The following EFR3B variants were observed in gnomAD, a reference collection of about 807,000 sequenced individuals.
The protein encoded by EFR3B is EFR3 homolog B, also known as protein EFR3 homolog B.
A neutral mutation model predicts 104.7 loss-of-function variants in EFR3B; 64 were observed. The observed-to-expected ratio is 0.61, with a 90% confidence interval of 0.50 to 0.75. The LOEUF (loss-of-function observed/expected upper bound fraction) is 0.75. Among genes scored for constraint, EFR3B ranks in the 30% least tolerant of loss-of-function variants. The pLI is 0.00. For synonymous variants in EFR3B, 385 were observed against 417.9 expected (o/e 0.92, Z 0.96); for missense variants, 750 against 1,078.5 (o/e 0.70, Z 4.27).
intron 4 of EFR3B, among the ~76,000 whole-genome samples, chr2:25,120,441 C>T (rs1371419138): frequency 6.6e-6 from 1 of 151,926 alleles, no homozygotes; most frequent in South Asian, 2.1e-4. Context: ...GTCAAGAGAT[C>T]GAGACCATCC....
rs5829961 is a variant in EFR3B at position 25,124,277 on chromosome 2, AGTGTGTGTGTGTGTGTGTGTGT to A, written c.485+2517_485+2538del. Among the ~76,000 whole-genome samples the A allele has an allele frequency of 8.3e-3, 1,032 of 124,894 alleles. 17 individuals are homozygous for A. The highest frequency in any genetic ancestry group is 0.027 in the African/African-American group (908 of 33,706). The allele number at this position is 124,894 out of a possible 152,430, so 81.9% of individuals were successfully genotyped here. A position where few individuals can be genotyped will look rare whatever the true frequency, so the allele number is the denominator to read the frequency against. ...GTCCAGCAGTGGGCCTGTGCATGCA[AGTGTGTGTGTGTGTGTGTGTGT>A]GTGTGTGTGTGTGTGTGTGTGTGTG... On this transcript the variant is annotated intron_variant, in intron 5 of 22. Coordinates refer to ENST00000403714, the MANE Select transcript of EFR3B (RefSeq NM_014971.2).
chr2:25,061,784 C>T (rs966962054), intron 1 of EFR3B, among the ~76,000 whole-genome samples: 1 of 151,976 alleles, frequency 6.6e-6, no homozygotes, highest in African/African-American at 2.4e-5. Flanking sequence ...GCGTGAGCCA[C>T]CCTGCCTGGC....
intron 1 of EFR3B, among the ~76,000 whole-genome samples, chr2:25,066,666 C>T (rs1558587607): frequency 6.6e-6 from 1 of 152,230 alleles, no homozygotes; most frequent in Non-Finnish European, 1.5e-5. Flanking sequence ...TGCTTCCTTT[C>T]ATTATGGCTG....
At chr2:25,044,986 A>C (rs972822439) in intron 1 of EFR3B, among the ~76,000 whole-genome samples, 1 of 152,176 alleles carries the variant, frequency 6.6e-6, no homozygotes, top group African/African-American at 2.4e-5. Context: ...ACCTCAGGCA[A>C]GTGGAATTGT....
chr2:25,093,889 T>C (rs1196815076), intron 3 of EFR3B, among the ~76,000 whole-genome samples: 2 of 152,208 alleles, frequency 1.3e-5, no homozygotes, highest in East Asian at 3.8e-4. Context: ...ATCAATCTTC[T>C]GAAAGAGAAG....
In EFR3B at chr2:25,042,335, CGCCCGGGCCCGG is replaced by C. The variant is rs1318650216; in HGVS notation, c.7+22_7+33del. 1 of 1,262,714 alleles carries C rather than the reference CGCCCGGGCCCGG, an allele frequency of 7.9e-7. No homozygotes were observed. Among genetic ancestry groups the C allele is most frequent in the South Asian group, 2.7e-5 (1 of 37,270 alleles). 78.2% of individuals were successfully genotyped at this position (1,262,714 alleles called of 1,614,324 possible). ...GAGATGTACGGTAAGGAGGGCTCCG[CGCCCGGGCCCGG>C]GCCCGCGGGGGCGACTCCGCAAACT... On this transcript the variant is annotated intron_variant, in intron 1 of 22. Transcript: ENST00000403714. The surrounding 1 kb of genome is among the most constrained non-coding windows in gnomAD (Gnocchi z 5.4).
intron 4 of EFR3B, among the ~76,000 whole-genome samples, chr2:25,107,029 T>C (rs12613265): frequency 0.16 from 24,036 of 152,192 alleles, 3,078 homozygotes; most frequent in East Asian, 0.51. Context: ...GTTGGATTTC[T>C]CAGTGTAGAG....
intron 1 of EFR3B, among the ~76,000 whole-genome samples, chr2:25,050,065 G>A (rs1254628940): frequency 6.6e-6 from 1 of 151,998 alleles, no homozygotes; most frequent in East Asian, 1.9e-4. Context: ...TGGAGGTGGA[G>A]GTTGCTGTGA....
Position 25,154,213 on chromosome 2 carries a change from C to A in EFR3B, c.2349-22C>A. 1 of 1,548,730 alleles carries A rather than the reference C, an allele frequency of 6.5e-7. No homozygotes were observed. The highest frequency in any genetic ancestry group is 8.7e-7 in the Non-Finnish European group (1 of 1,144,500). ...AAAATTCTCTTTTCATGCCTTTCTC[C>A]CCATGTGTTCCTGCCCCCTAGGCCC... On this transcript the variant is annotated intron_variant, in intron 22 of 22. Coordinates refer to ENST00000403714, the MANE Select transcript of EFR3B (RefSeq NM_014971.2). The surrounding 1 kb of genome is among the most constrained non-coding windows in gnomAD (Gnocchi z 4.1).
intron 6 of EFR3B, among the ~76,000 whole-genome samples, chr2:25,129,338 G>A (rs1670261604): frequency 7.3e-6 from 1 of 136,514 alleles, no homozygotes; most frequent in Non-Finnish European, 1.6e-5. Context: ...GGGCGGGGGC[G>A]GGGGCGGGGG....
chr2:25,091,240 TCA>T, intron 1 of EFR3B, 83 bp from the exon 2 acceptor site: 1 of 1,330,746 alleles, frequency 7.5e-7, no homozygotes, highest in Non-Finnish European at 1.0e-6. Flanking sequence ...TTCCTGCCAC[TCA>T]CAGGCTGCCC....
At chr2:25,146,143 A>G (rs1156851058) in intron 19 of EFR3B, 1 of 147,940 alleles carries the variant, frequency 6.8e-6, no homozygotes, top group Non-Finnish European at 1.5e-5. Flanking sequence ...CGGAGGACAC[A>G]CATCTGGGTG....
At chr2:25,129,316 C>T (rs1218742155) in intron 6 of EFR3B, among the ~76,000 whole-genome samples, 1 of 49,730 alleles carries the variant, frequency 2.0e-5, no homozygotes, top group Non-Finnish European at 4.0e-5. Flanking sequence ...AGACTCGGGT[C>T]GACGGGGGCG....
chr2:25,122,377 T>C (rs1478730827), intron 5 of EFR3B, among the ~76,000 whole-genome samples: 1 of 152,010 alleles, frequency 6.6e-6, no homozygotes, highest in Admixed American at 6.6e-5. Flanking sequence ...CACACATGTG[T>C]ACACACACAC....
At position 25,081,664 on chromosome 2, in the gene EFR3B, T is replaced by A; in HGVS notation, c.8-9661T>A. On this transcript the variant is annotated intron_variant, in intron 1 of 22. Coordinates refer to ENST00000403714, the MANE Select transcript of EFR3B (RefSeq NM_014971.2). ...CCGAAGGGTAGCTGCGGCCAACAGC[T>A]GGCTGTAGAACATGGAGGCTGCCAT... 8.5e-6 allele frequency: 5 copies of A among 589,850 alleles called. No individual in the cohort carries two copies. In the South Asian group the frequency reaches 1.2e-4, roughly 14 times the overall value. The allele number at this position is 589,850 out of a possible 1,614,324, so 36.5% of individuals were successfully genotyped here. A position where few individuals can be genotyped will look rare whatever the true frequency, so the allele number is the denominator to read the frequency against.
At chr2:25,117,179 C>T (rs1175813274) in intron 4 of EFR3B, among the ~76,000 whole-genome samples, 2 of 152,072 alleles carry the variant, frequency 1.3e-5, no homozygotes, top group Non-Finnish European at 2.9e-5. Flanking sequence ...AGAGAGTAGG[C>T]GGGACTGCCC....
At chr2:25,135,334 G>A in intron 12 of EFR3B, 133 bp from the exon 13 acceptor site, 1 of 1,027,998 alleles carries the variant, frequency 9.7e-7, no homozygotes, top group Non-Finnish European at 1.4e-6. Context: ...TGTAGGGTAG[G>A]GGAGGCTGGA....
rs1253181505 is a variant in EFR3B at position 25,081,746 on chromosome 2, T to A, written c.8-9579T>A. The stretch of plus-strand genomic sequence containing the variant: ...CTGCAGCCGCACAGGCCCCTGGAAT[T>A]TTTTTAGATTTTAAAATCAGTGTGA... On this transcript the variant is annotated intron_variant, in intron 1 of 22. Coordinates refer to ENST00000403714, the MANE Select transcript of EFR3B (RefSeq NM_014971.2). 1.6e-5 allele frequency: 7 copies of A among 443,396 alleles called. No homozygotes were observed. In the East Asian group the frequency reaches 1.7e-4, roughly 11 times the overall value. 27.5% of individuals were successfully genotyped at this position (443,396 alleles called of 1,614,324 possible).
In EFR3B at chr2:25,042,082, G is replaced by A; in HGVS notation, c.-231G>A. The A allele has an allele frequency of 3.3e-6, 1 of 305,864 alleles. No homozygotes were observed. The highest frequency in any genetic ancestry group is 5.9e-6 in the Non-Finnish European group (1 of 169,012). 18.9% of individuals were successfully genotyped at this position (305,864 alleles called of 1,614,324 possible). A position where few individuals can be genotyped will look rare whatever the true frequency, so the allele number is the denominator to read the frequency against. On this transcript the variant is annotated 5_prime_UTR_variant, in exon 1 of 23. Transcript: ENST00000403714. This position sits in a 1 kb window ranked among gnomAD's most constrained non-coding sequence, Gnocchi z 5.4. ...GCCCCCGCCCCCTGCGCGCAGCAGTGCCCAGCAACCCGAGCGGAGGCGGCC... is the reference window on the plus strand; with the variant it reads ...GCCCCCGCCCCCTGCGCGCAGCAGTACCCAGCAACCCGAGCGGAGGCGGCC...
Sources: allele counts gnomAD v4.1 joint callset (sites outside exome capture counted in the v4.1 genomes callset), GRCh38; gene constraint gnomAD v4.1.1; non-coding constraint Gnocchi (gnomAD v3.1); transcripts MANE v1.5; gene names NCBI Gene and HGNC (gene_info 2026-07-23, HGNC 2026-07-21).